Variants in DPCD observed in about 807,000 individuals in gnomAD.
DPCD encodes the protein deleted in primary ciliary dyskinesia homolog (mouse).
A neutral mutation model predicts 26.4 loss-of-function variants in DPCD; 20 were observed. That is an observed-to-expected ratio of 0.76 (90% CI 0.53 to 1.10). The LOEUF is 1.10. DPCD is among the 50% of genes least tolerant of loss of function. DPCD has a pLI of 0.00. For synonymous variants in DPCD, 97 were observed against 94.2 expected (o/e 1.03, Z -0.17); for missense variants, 202 against 253.9 (o/e 0.80, Z 1.39).
chr10:101,601,266 C>T lies in DPCD; in HGVS notation c.334C>T (p.Pro112Ser). 2 of 1,613,836 alleles carry T rather than the reference C, an allele frequency of 1.2e-6. No individual in the cohort carries two copies. The highest frequency in any genetic ancestry group is 1.7e-6 in the Non-Finnish European group (2 of 1,179,908). Residue 112 changes from proline to serine, a missense_variant, in exon 4 of 6, where the codon CCT (proline) becomes TCT (serine). Physicochemically the swap from Pro to Ser is moderately conservative, Grantham distance 74. This residue lies in a region of DPCD where 118 missense variants were observed against 145.1 expected (regional missense o/e 0.81). Transcript: ENST00000370151. ...FQWRIRNLPY[P>S]KDVYSVSVDQ... The stretch of plus-strand genomic sequence containing the variant: ...GTGGCGGATTCGAAACCTCCCCTAT[C>T]CTAAGGATGTCTATAGTGTCTCTGT...
chr10:101,601,940 G>A (rs1373811283), intron 4 of DPCD, among the ~76,000 whole-genome samples: 1 of 152,150 alleles, frequency 6.6e-6, no homozygotes, highest in Non-Finnish European at 1.5e-5. Context: ...CCCCTAGAGG[G>A]GAGGCAAACT....
chr10:101,605,684 C>G (rs1289717054), intron 4 of DPCD, among the ~76,000 whole-genome samples: 1 of 152,162 alleles, frequency 6.6e-6, no homozygotes, highest in Non-Finnish European at 1.5e-5. Flanking sequence ...GTTCGGACCC[C>G]AGGGGAGACA....
Position 101,600,876 on chromosome 10 carries a change from TC to T in DPCD, c.270+16del, listed in dbSNP as rs2063690975. The stretch of plus-strand genomic sequence containing the variant: ...AGCAATGCCAATGTACGTCCATCTG[TC>T]CAGGTGTCTTGCACGGACTGAGGTG... On this transcript the variant is annotated intron_variant, in intron 3 of 5. Transcript: ENST00000370151. The surrounding 1 kb of genome is among the most constrained non-coding windows in gnomAD (Gnocchi z 4.7). 6.2e-7 allele frequency: 1 copy of T among 1,613,776 alleles called. No homozygotes were observed. The highest frequency in any genetic ancestry group is 1.3e-5 in the African/African-American group (1 of 74,884).
intron 4 of DPCD, 44 bp downstream of exon 4, chr10:101,601,380 G>A (rs763739283): frequency 3.7e-6 from 6 of 1,608,676 alleles, no homozygotes; most frequent in Non-Finnish European, 5.1e-6. Context: ...GTATGAGCGG[G>A]GTGTAGGGTG....
chr10:101,605,165 A>T (rs1162843997), intron 4 of DPCD: 2 of 1,549,900 alleles, frequency 1.3e-6, no homozygotes, highest in East Asian at 4.9e-5. Flanking sequence ...GCTTCTCTGG[A>T]CCCCTCTGGC....
chr10:101,609,487 T>C lies in DPCD; in HGVS notation c.*16T>C. On this transcript the variant is annotated 3_prime_UTR_variant, in exon 6 of 6. Transcript: ENST00000370151. ...GACCCAGTAGTTGGCCCCTGAGCCT[T>C]ATACCTCCACCACAGGGGGTGCCGT... is the stretch of plus-strand genomic sequence containing the variant. The C allele has an allele frequency of 6.2e-7, 1 of 1,610,746 alleles. No individual in the cohort carries two copies. Among genetic ancestry groups the C allele is most frequent in the Non-Finnish European group, 8.5e-7 (1 of 1,177,784 alleles).
chr10:101,605,197 T>TGA, intron 4 of DPCD: 1 of 1,550,440 alleles, frequency 6.4e-7, no homozygotes, highest in Non-Finnish European at 8.7e-7. Context: ...CAGGTGTGCA[T>TGA]GGCACCCCCT....
rs1250562767 is a variant in DPCD at position 101,600,986 on chromosome 10, A to G, written c.270+124A>G. ...CGCCTCCAGTGTGCCACCTGGACAC[A>G]GCACTCTATAAATGTTTGTTTGAAT... On this transcript the variant is annotated intron_variant, in intron 3 of 5. Transcript: ENST00000370151. This position sits in a 1 kb window ranked among gnomAD's most constrained non-coding sequence, Gnocchi z 4.7. The G allele has an allele frequency of 2.0e-6, 3 of 1,510,096 alleles. No individual in the cohort carries two copies. The highest frequency in any genetic ancestry group is 4.5e-5 in the Admixed American group (2 of 44,554). 93.5% of individuals were successfully genotyped at this position (1,510,096 alleles called of 1,614,324 possible).
intron 2 of DPCD, among the ~76,000 whole-genome samples, chr10:101,595,696 C>T (rs146843076): frequency 4.3e-4 from 66 of 152,260 alleles, no homozygotes; most frequent in South Asian, 2.3e-3. Context: ...CATGTTCAGT[C>T]GCACAGTGAA....
At chr10:101,592,135 T>C (rs1015940553) in intron 1 of DPCD, among the ~76,000 whole-genome samples, 1 of 152,136 alleles carries the variant, frequency 6.6e-6, no homozygotes, top group Non-Finnish European at 1.5e-5. Context: ...AAAGTATAGA[T>C]AAGTATCGAA....
At chr10:101,605,904 G>T (rs1203670705) in intron 4 of DPCD, among the ~76,000 whole-genome samples, 1 of 152,090 alleles carries the variant, frequency 6.6e-6, no homozygotes, top group Admixed American at 6.5e-5. Flanking sequence ...AACTTTTCTG[G>T]GCCTCAGTTT....
At chr10:101,606,971 A>G (rs1258789967) in intron 4 of DPCD, among the ~76,000 whole-genome samples, 1 of 152,208 alleles carries the variant, frequency 6.6e-6, no homozygotes, top group Non-Finnish European at 1.5e-5. Flanking sequence ...CTGAGCCTCC[A>G]CCTGCTCTGC....
chr10:101,601,781 C>T (rs1423007791), intron 4 of DPCD, among the ~76,000 whole-genome samples: 1 of 152,064 alleles, frequency 6.6e-6, no homozygotes, highest in Non-Finnish European at 1.5e-5. Flanking sequence ...AGTGACAGTC[C>T]TTTAAAGCAG....
At chr10:101,604,516 A>G (rs962217244) in intron 4 of DPCD, among the ~76,000 whole-genome samples, 10 of 152,208 alleles carry the variant, frequency 6.6e-5, no homozygotes, top group African/African-American at 1.9e-4. Flanking sequence ...ATTGCAGTGT[A>G]TCATGTCCTT....
chr10:101,608,735 G>A (rs2063749476), intron 4 of DPCD, 100 bp from the exon 5 acceptor site: 7 of 753,104 alleles, frequency 9.3e-6, no homozygotes, highest in Non-Finnish European at 1.2e-5. Context: ...TGTGTGGAAG[G>A]TGTGGAAGAA....
At position 101,598,201 on chromosome 10, in the gene DPCD, T is replaced by C. The variant is rs776279114; in HGVS notation, c.146-2537T>C. On this transcript the variant is annotated intron_variant, in intron 2 of 5. Transcript: ENST00000370151. ...GGCCACCTTGGTGCATTATTATGCA[T>C]TAGGACACCCATTTTAGCAAGGCCC... Among the ~76,000 whole-genome samples the C allele has an allele frequency of 8.5e-4, 129 of 152,250 alleles. 1 individual carries two copies. In the Middle Eastern group the frequency reaches 0.01, roughly 12 times the overall value.
intron 4 of DPCD, chr10:101,605,284 C>T (rs2063726426): frequency 7.2e-6 from 11 of 1,536,464 alleles, no homozygotes; most frequent in Non-Finnish European, 8.8e-6. Context: ...GAGTCTCTCT[C>T]CCTCTGAGGG....
chr10:101,588,823 G>A, intron 1 of DPCD: 1 of 311,284 alleles, frequency 3.2e-6, no homozygotes, highest in Non-Finnish European at 4.7e-6. Flanking sequence ...CGCTTCAGTC[G>A]GCTCCTTTAC....
intron 1 of DPCD, among the ~76,000 whole-genome samples, chr10:101,592,622 G>A (rs568898935): frequency 6.6e-6 from 1 of 152,082 alleles, no homozygotes; most frequent in East Asian, 1.9e-4. Context: ...TCGGGAGTCT[G>A]AGGTGGAGGA....
Sources: allele counts gnomAD v4.1 joint callset (sites outside exome capture counted in the v4.1 genomes callset), GRCh38; gene constraint gnomAD v4.1.1; regional missense constraint gnomAD v4.1.1; non-coding constraint Gnocchi (gnomAD v3.1); transcripts MANE v1.5; gene names NCBI Gene and HGNC (gene_info 2026-07-23, HGNC 2026-07-21).